The following TNPO1 variants were observed in gnomAD, a reference collection of about 807,000 sequenced individuals.
The protein encoded by TNPO1 is transportin 1.
A neutral mutation model predicts 119.5 loss-of-function variants in TNPO1; 8 were observed. That is an observed-to-expected ratio of 0.07 (90% CI 0.04 to 0.12). TNPO1 has a LOEUF of 0.12. Ranked by LOEUF, TNPO1 falls within the 10% of genes least tolerant of loss-of-function variation. TNPO1 has a pLI of 1.00. For missense variants in TNPO1, 576 were observed against 1,089.8 expected (o/e 0.53, Z 6.64); for synonymous variants, 362 against 363.0 (o/e 1.00, Z 0.03).
intron 13 of TNPO1, among the ~76,000 whole-genome samples, chr5:72,889,359 G>C (rs764716272): frequency 7.2e-5 from 11 of 151,970 alleles, no homozygotes; most frequent in Non-Finnish European, 1.5e-4. Context: ...CGCCTGGCAG[G>C]GATAGTAAAT....
In TNPO1 at chr5:72,888,097, T is replaced by A; in HGVS notation, c.1323T>A (p.Ile441=). The A allele has an allele frequency of 6.2e-7, 1 of 1,614,090 alleles. No individual in the cohort carries two copies. The highest frequency in any genetic ancestry group is 8.5e-7 in the Non-Finnish European group (1 of 1,180,024). The part of the protein sequence containing the change: ...AIAEGCMQGM[I]PYLPELIPHL... ...TTCTAGGTTGCATGCAGGGCATGAT[T>A]CCATACTTGCCTGAGCTTATTCCTC... The change falls in exon 13 of 25, where the codon ATT becomes ATA. Residue 441 remains isoleucine (I), a synonymous_variant. Transcript: ENST00000337273.
At position 72,816,699 on chromosome 5, in the gene TNPO1, C is replaced by A; in HGVS notation, c.-39C>A. 6.4e-7 allele frequency: 1 copy of A among 1,555,036 alleles called. No individual in the cohort carries two copies. On this transcript the variant is annotated 5_prime_UTR_variant, in exon 1 of 25. Coordinates refer to ENST00000337273, the MANE Select transcript of TNPO1 (RefSeq NM_002270.4). ...TTCAGGCCCCGGACAGGAGGCAGTG[C>A]CGCTTCGGCCGAAGGCCCGAGCGCC... is the stretch of plus-strand genomic sequence containing the variant.
rs145963472 is a variant in TNPO1 at position 72,875,858 on chromosome 5, T to C, written c.801+121T>C. ...AATAGTTATAATTGTCTTAAAATTA[T>C]AAGTTATCTTTGTGGGGAGTTTTGT... is the stretch of plus-strand genomic sequence containing the variant. On this transcript the variant is annotated intron_variant, in intron 8 of 24. Transcript: ENST00000337273. The C allele has an allele frequency of 1.7e-3, 2,053 of 1,213,286 alleles. 9 individuals carry two copies. The Middle Eastern group carries it at 0.022, about 13-fold the overall frequency. 75.2% of individuals were successfully genotyped at this position (1,213,286 alleles called of 1,614,324 possible).
intron 19 of TNPO1, among the ~76,000 whole-genome samples, 193 bp downstream of exon 19, chr5:72,896,749 A>T (rs1046004153): frequency 5.3e-5 from 8 of 152,112 alleles, no homozygotes; most frequent in African/African-American, 1.9e-4. Context: ...GGTGCCTATA[A>T]TCCCAACTAT....
chr5:72,835,044 A>G (rs79239312), intron 1 of TNPO1, among the ~76,000 whole-genome samples: 1,631 of 152,342 alleles, frequency 0.011, 61 homozygotes, highest in Admixed American at 0.07. Flanking sequence ...GCCACAAGCT[A>G]TACCATATAG....
At chr5:72,850,365 C>G (rs772927150) in intron 2 of TNPO1, among the ~76,000 whole-genome samples, 2 of 152,176 alleles carry the variant, frequency 1.3e-5, no homozygotes, top group African/African-American at 4.8e-5. Context: ...TGCAGTTTTA[C>G]TAGAGACTAT....
intron 2 of TNPO1, among the ~76,000 whole-genome samples, chr5:72,850,073 A>C (rs137866022): frequency 6.6e-6 from 1 of 152,318 alleles, no homozygotes; most frequent in East Asian, 1.9e-4. Context: ...TGTTGCTGTG[A>C]GAGGAAAACT....
At chr5:72,908,269 G>A (rs1750312674) in intron 24 of TNPO1, among the ~76,000 whole-genome samples, 1 of 151,896 alleles carries the variant, frequency 6.6e-6, no homozygotes, top group Admixed American at 6.6e-5. Context: ...GGAATACTGG[G>A]GGAAAAAAAG....
intron 1 of TNPO1, 185 bp downstream of exon 1, chr5:72,816,937 G>A: frequency 1.6e-6 from 1 of 628,676 alleles, no homozygotes; most frequent in Non-Finnish European, 2.5e-6. Context: ...GCCCGCCCAG[G>A]CGCCCTGCGG....
chr5:72,895,696 G>T (rs752861321), intron 18 of TNPO1, among the ~76,000 whole-genome samples: 22 of 152,020 alleles, frequency 1.4e-4, no homozygotes, highest in Non-Finnish European at 2.4e-4. Flanking sequence ...ACTTATATAG[G>T]GAGACATTTC....
In TNPO1 at chr5:72,912,764, A is replaced by G. The variant is rs1170062883; in HGVS notation, c.*4091A>G. ...GAAATGCCAGAAATAAATTAATTGC[A>G]TCTTAGTCTAAATTTAAGTCCTTTG... On this transcript the variant is annotated 3_prime_UTR_variant, in exon 25 of 25. Coordinates refer to ENST00000337273, the MANE Select transcript of TNPO1 (RefSeq NM_002270.4). 6.6e-6 allele frequency: 1 copy of G among 152,446 alleles called. No individual in the cohort carries two copies. The highest frequency in any genetic ancestry group is 2.4e-5 in the African/African-American group (1 of 41,452). The allele number at this position is 152,446 out of a possible 1,614,324, so 9.4% of individuals were successfully genotyped here.
intron 18 of TNPO1, among the ~76,000 whole-genome samples, chr5:72,895,512 G>C (rs891242945): frequency 6.6e-6 from 1 of 152,042 alleles, no homozygotes; most frequent in Admixed American, 6.6e-5. Context: ...AGAAGCAAAG[G>C]ATGTTGCTAA....
intron 15 of TNPO1, 110 bp from the exon 16 acceptor site, chr5:72,893,029 A>G: frequency 1.3e-6 from 1 of 775,772 alleles, no homozygotes. Flanking sequence ...TGTAGAAACT[A>G]GTAGAGCAAG....
At chr5:72,882,274 A>G (rs1476791260) in intron 9 of TNPO1, among the ~76,000 whole-genome samples, 193 bp from the exon 10 acceptor site, 5 of 152,224 alleles carry the variant, frequency 3.3e-5, no homozygotes, top group Non-Finnish European at 7.3e-5. Context: ...AGGGGATTTT[A>G]TATTTGACTG....
chr5:72,910,325 CCTTTA>C lies in TNPO1; in HGVS notation c.*1657_*1661del, dbSNP rs1750477877. 1 of 152,584 alleles carries C rather than the reference CCTTTA, an allele frequency of 6.6e-6. No individual in the cohort carries two copies. The highest frequency in any genetic ancestry group is 6.5e-5 in the Admixed American group (1 of 15,284). The allele number at this position is 152,584 out of a possible 1,614,324, so 9.5% of individuals were successfully genotyped here. Reference sequence around the variant, plus strand: ...GTGAATAAATCCTTGTTAAGTTAACCCTTTACTTTTCCTTCCATGTGTATTTTCTT... The same window carrying C: ...GTGAATAAATCCTTGTTAAGTTAACCCTTTTCCTTCCATGTGTATTTTCTT... On this transcript the variant is annotated 3_prime_UTR_variant, in exon 25 of 25. Coordinates refer to ENST00000337273, the MANE Select transcript of TNPO1 (RefSeq NM_002270.4).
intron 11 of TNPO1, among the ~76,000 whole-genome samples, chr5:72,885,902 G>GT (rs1204722508): frequency 6.6e-6 from 1 of 152,066 alleles, no homozygotes; most frequent in African/African-American, 2.4e-5. Flanking sequence ...GCTGCATCTG[G>GT]TGAGAACCTC....
At chr5:72,826,911 C>G (rs1248954392) in intron 1 of TNPO1, among the ~76,000 whole-genome samples, 1 of 150,884 alleles carries the variant, frequency 6.6e-6, no homozygotes, top group African/African-American at 2.4e-5. Flanking sequence ...TTTTTTTTAG[C>G]AATGAGAAAC....
intron 1 of TNPO1, among the ~76,000 whole-genome samples, chr5:72,819,520 G>T (rs899506247): frequency 7.2e-5 from 11 of 152,146 alleles, no homozygotes; most frequent in African/African-American, 2.7e-4. Flanking sequence ...GGGAAATAGG[G>T]AGGTGGATTT....
intron 1 of TNPO1, among the ~76,000 whole-genome samples, chr5:72,841,959 A>G (rs548003116): frequency 6.6e-6 from 1 of 151,988 alleles, no homozygotes; most frequent in African/African-American, 2.4e-5. Context: ...GATTCAGCAA[A>G]TTTCTTAAGC....
Sources: allele counts gnomAD v4.1 joint callset (sites outside exome capture counted in the v4.1 genomes callset), GRCh38; gene constraint gnomAD v4.1.1; transcripts MANE v1.5; gene names NCBI Gene and HGNC (gene_info 2026-07-23, HGNC 2026-07-21).